Variants in B3GALT1 observed in about 807,000 individuals in gnomAD.
The protein encoded by B3GALT1 is UDP-Gal:betaGlcNAc beta 1,3-galactosyltransferase, polypeptide 1.
In B3GALT1, 10 loss-of-function variants were observed where a neutral mutation model predicts 23.2. The ratio of observed to expected loss-of-function variants is 0.43; its 90% CI spans 0.27 to 0.73. B3GALT1 has a LOEUF of 0.73. Among genes scored for constraint, B3GALT1 ranks in the 30% least tolerant of loss-of-function variants. The probability of loss-of-function intolerance (pLI) is 0.21; values close to 1 mark genes in which losing one functional copy is unlikely to be tolerated. For missense variants in B3GALT1, 299 were observed against 405.4 expected (o/e 0.74, Z 2.25); for synonymous variants, 156 against 141.5 (o/e 1.10, Z -0.73).
At chr2:167,480,350 C>G (rs1333390633) in intron 1 of B3GALT1, among the ~76,000 whole-genome samples, 1 of 152,182 alleles carries the variant, frequency 6.6e-6, no homozygotes, top group African/African-American at 2.4e-5. Context: ...CAGCCCCACA[C>G]CCAGGAATGA....
chr2:167,409,608 G>A (rs548476381), intron 1 of B3GALT1, among the ~76,000 whole-genome samples: 5 of 151,954 alleles, frequency 3.3e-5, no homozygotes, highest in Non-Finnish European at 5.9e-5. Context: ...CATCAGGTCA[G>A]TTAGGTTCTT....
rs1232369682 is a variant in B3GALT1, at chr2:167,424,345, A to G, written c.-510-65832A>G. 2.0e-5 allele frequency among the ~76,000 whole-genome samples: 3 copies of G among 152,242 alleles called. No homozygotes were observed. In the East Asian group the frequency reaches 5.8e-4, roughly 29 times the overall value. On this transcript the variant is annotated intron_variant, in intron 1 of 4. Transcript: ENST00000392690. ...AGACCTGGTTGTTATAGGCATCTAA[A>G]AATGGTGCTGACAATAATGTAATTT...
At chr2:167,413,371 A>G (rs1442985024) in intron 1 of B3GALT1, among the ~76,000 whole-genome samples, 2 of 152,088 alleles carry the variant, frequency 1.3e-5, no homozygotes, top group African/African-American at 4.8e-5. Context: ...TGATTTAAAC[A>G]TAACAGTGGT....
At chr2:167,663,831 G>C (rs559129971) in intron 3 of B3GALT1, among the ~76,000 whole-genome samples, 2 of 152,192 alleles carry the variant, frequency 1.3e-5, no homozygotes, top group Middle Eastern at 3.4e-3. Flanking sequence ...TTGTAAATTT[G>C]TTGGAGTTCA....
At chr2:167,456,402 A>C (rs1418106611) in intron 1 of B3GALT1, among the ~76,000 whole-genome samples, 1 of 152,214 alleles carries the variant, frequency 6.6e-6, no homozygotes, top group Non-Finnish European at 1.5e-5. Flanking sequence ...GATCACATTT[A>C]AACATGAAAT....
chr2:167,345,566 G>A (rs1697213450), intron 1 of B3GALT1, among the ~76,000 whole-genome samples: 1 of 152,154 alleles, frequency 6.6e-6, no homozygotes, highest in African/African-American at 2.4e-5. Context: ...GCTTAGAAGA[G>A]TCACAGAGTT....
At chr2:167,428,726 A>G (rs187920401) in intron 1 of B3GALT1, among the ~76,000 whole-genome samples, 106 of 152,222 alleles carry the variant, frequency 7.0e-4, no homozygotes, top group African/African-American at 2.5e-3. Context: ...TATATTAAAC[A>G]TAAGCAAAGG....
chr2:167,433,962 A>C (rs1328335721), intron 1 of B3GALT1, among the ~76,000 whole-genome samples: 1 of 152,020 alleles, frequency 6.6e-6, no homozygotes, highest in Non-Finnish European at 1.5e-5. Context: ...GGAAGGAAAC[A>C]TGTCAAAGCT....
chr2:167,676,247 T>C (rs1307293697), intron 3 of B3GALT1, among the ~76,000 whole-genome samples: 1 of 152,158 alleles, frequency 6.6e-6, no homozygotes, highest in East Asian at 1.9e-4. Flanking sequence ...TGCAAACTCA[T>C]AAATAACTTT....
intron 2 of B3GALT1, among the ~76,000 whole-genome samples, chr2:167,553,365 A>C (rs1411159263): frequency 6.6e-6 from 1 of 152,236 alleles, no homozygotes; most frequent in East Asian, 1.9e-4. Context: ...AAGAGATTCA[A>C]CTGTAAGAAG....
chr2:167,700,491 G>A (rs1057064022), intron 3 of B3GALT1, among the ~76,000 whole-genome samples: 5 of 152,092 alleles, frequency 3.3e-5, no homozygotes, highest in Non-Finnish European at 7.4e-5. Context: ...GAACTGATCT[G>A]CTTAGAAAAT....
intron 2 of B3GALT1, among the ~76,000 whole-genome samples, chr2:167,632,606 G>A (rs1574179700): frequency 6.6e-6 from 1 of 151,944 alleles, no homozygotes; most frequent in East Asian, 1.9e-4. Context: ...TCTGAGAAGT[G>A]TCTGTTTATA....
intron 1 of B3GALT1, among the ~76,000 whole-genome samples, chr2:167,465,892 G>GT (rs563563923): frequency 0.027 from 3,957 of 147,468 alleles, 146 homozygotes; most frequent in African/African-American, 0.092. Context: ...TTTCAATAAG[G>GT]TTTTTTTTTT....
chr2:167,651,541 C>T (rs1479037099), intron 3 of B3GALT1, among the ~76,000 whole-genome samples: 1 of 152,154 alleles, frequency 6.6e-6, no homozygotes, highest in Non-Finnish European at 1.5e-5. Flanking sequence ...GAGATAACCA[C>T]ACACAGCCAG....
At chr2:167,861,643 G>C (rs1559006292) in intron 4 of B3GALT1, among the ~76,000 whole-genome samples, 1 of 152,174 alleles carries the variant, frequency 6.6e-6, no homozygotes, top group Non-Finnish European at 1.5e-5. Flanking sequence ...CCTCCTTAGA[G>C]AGTGACTAAT....
intron 2 of B3GALT1, among the ~76,000 whole-genome samples, chr2:167,538,335 T>C (rs1308372185): frequency 6.6e-6 from 1 of 152,222 alleles, no homozygotes; most frequent in Admixed American, 6.5e-5. Flanking sequence ...TATCTGTGTA[T>C]ATGCTTTTAA....
At position 167,560,952 on chromosome 2, in the gene B3GALT1, G is replaced by A. The variant is rs574877398; in HGVS notation, c.-410+70675G>A. Among the ~76,000 whole-genome samples, 153 of 151,576 alleles carry A rather than the reference G, an allele frequency of 1.0e-3. 1 individual carries two copies. Among genetic ancestry groups the A allele is most frequent in the African/African-American group, 2.7e-3 (112 of 41,182 alleles). ...AATTGAACTCAGCTCTGCACCAAGC[G>A]GACCTAATAGACATCTACAGAACTC... is the stretch of plus-strand genomic sequence containing the variant. On this transcript the variant is annotated intron_variant, in intron 2 of 4. Coordinates refer to ENST00000392690, the MANE Select transcript of B3GALT1 (RefSeq NM_020981.4).
intron 2 of B3GALT1, among the ~76,000 whole-genome samples, chr2:167,571,271 T>A (rs188164771): frequency 1.3e-5 from 2 of 152,012 alleles, no homozygotes; most frequent in African/African-American, 4.8e-5. Flanking sequence ...TATAGGTGAT[T>A]CTGTAGTAGG....
chr2:167,601,808 G>A (rs575935356), intron 2 of B3GALT1, among the ~76,000 whole-genome samples: 2 of 152,194 alleles, frequency 1.3e-5, no homozygotes, highest in Admixed American at 6.5e-5. Context: ...ACAACTGTAT[G>A]TGATTGTGTC....
Sources: gnomAD v4.1 joint callset for allele counts (sites outside exome capture counted in the v4.1 genomes callset) on GRCh38, gnomAD v4.1.1 for gene constraint, MANE v1.5 for transcripts, NCBI Gene and HGNC (gene_info 2026-07-23, HGNC 2026-07-21) for gene names.